Variants in MECOM observed in about 807,000 individuals in gnomAD.
MECOM encodes histone-lysine N-methyltransferase MECOM.
A neutral mutation model predicts 116.3 loss-of-function variants in MECOM; 13 were observed. That is an observed-to-expected ratio of 0.11 (90% confidence interval 0.07 to 0.18). The LOEUF is 0.18. Among genes scored for constraint, MECOM ranks in the 10% least tolerant of loss-of-function variants. The pLI is 1.00. For synonymous variants in MECOM, 528 were observed against 535.2 expected, an observed-to-expected ratio of 0.99 and a Z score of 0.19; for missense variants, 1,299 against 1,509.0, an observed-to-expected ratio of 0.86 and a Z score of 2.31.
intron 1 of MECOM, among the ~76,000 whole-genome samples, chr3:169,610,155 T>A (rs1229819764): frequency 6.6e-6 from 1 of 152,224 alleles, no homozygotes; most frequent in Non-Finnish European, 1.5e-5. Context: ...TTTATATTAC[T>A]AGCTTATTTT....
At chr3:169,647,754 A>G (rs2110067450) in intron 1 of MECOM, among the ~76,000 whole-genome samples, 1 of 152,276 alleles carries the variant, frequency 6.6e-6, no homozygotes, top group African/African-American at 2.4e-5. Context: ...GCTTATACAT[A>G]TGTCATCTTA....
intron 2 of MECOM, among the ~76,000 whole-genome samples, chr3:169,338,896 C>T (rs1724025430): frequency 6.6e-6 from 1 of 151,706 alleles, no homozygotes. Flanking sequence ...GAAAAGGGGG[C>T]TTGGGGAAAA....
intron 1 of MECOM, among the ~76,000 whole-genome samples, chr3:169,533,155 C>T (rs940625618): frequency 7.1e-6 from 1 of 141,144 alleles, no homozygotes; most frequent in African/African-American, 2.9e-5. Context: ...ATTAAGCAGC[C>T]ATCAGATTTT....
chr3:169,489,796 T>A (rs1278814700), intron 1 of MECOM, among the ~76,000 whole-genome samples: 2 of 152,074 alleles, frequency 1.3e-5, no homozygotes, highest in African/African-American at 4.8e-5. Flanking sequence ...AAAGAGAAAA[T>A]AGCTTTATAA....
intron 10 of MECOM, among the ~76,000 whole-genome samples, 166 bp downstream of exon 10, chr3:169,107,760 A>G (rs1040439062): frequency 1.3e-5 from 2 of 152,214 alleles, no homozygotes; most frequent in African/African-American, 4.8e-5. Flanking sequence ...CCCAATTATA[A>G]CTGAAAGAAT....
chr3:169,477,814 C>T (rs534622086), intron 1 of MECOM, among the ~76,000 whole-genome samples: 1 of 152,236 alleles, frequency 6.6e-6, no homozygotes, highest in South Asian at 2.1e-4. Context: ...AAAAGTGATA[C>T]ACGGCTTCAA....
At chr3:169,440,906 A>G (rs575765750) in intron 1 of MECOM, among the ~76,000 whole-genome samples, 1 of 152,210 alleles carries the variant, frequency 6.6e-6, no homozygotes, top group Non-Finnish European at 1.5e-5. Flanking sequence ...CAAGGATTAA[A>G]TGCCAGGATC....
At chr3:169,378,583 A>AAAGAAAGT (rs1731838804) in intron 2 of MECOM, among the ~76,000 whole-genome samples, 1 of 63,894 alleles carries the variant, frequency 1.6e-5, no homozygotes, top group Non-Finnish European at 3.5e-5. Context: ...AGAAAGAAAG[A>AAAGAAAGT]AAGTAAGTAA....
intron 2 of MECOM, among the ~76,000 whole-genome samples, chr3:169,183,761 TACACACAC>T (rs71166249): frequency 0.12 from 14,417 of 118,240 alleles, 698 homozygotes; most frequent in Middle Eastern, 0.25. Flanking sequence ...GATACATACA[TACACACAC>T]ACACACACAC....
chr3:169,355,299 C>G (rs1341726429), intron 2 of MECOM, among the ~76,000 whole-genome samples: 3 of 151,968 alleles, frequency 2.0e-5, no homozygotes, highest in African/African-American at 7.2e-5. Flanking sequence ...TGCAAAATCA[C>G]AGAACAGTTT....
chr3:169,539,222 C>A (rs777204757), intron 1 of MECOM, among the ~76,000 whole-genome samples: 1 of 152,162 alleles, frequency 6.6e-6, no homozygotes, highest in Non-Finnish European at 1.5e-5. Flanking sequence ...TCACTCAAAT[C>A]AACCCAAATT....
At chr3:169,236,050 C>A (rs915589508) in intron 2 of MECOM, among the ~76,000 whole-genome samples, 5 of 152,128 alleles carry the variant, frequency 3.3e-5, no homozygotes, top group Non-Finnish European at 2.9e-5. Context: ...GCCACAGCCT[C>A]CAGTCAGCCA....
At chr3:169,472,633 A>AAAAGAAAAGAAAAGAAAAGGAAAGG (rs1749680508) in intron 1 of MECOM, among the ~76,000 whole-genome samples, 7 of 60,348 alleles carry the variant, frequency 1.2e-4, no homozygotes, top group African/African-American at 3.1e-4. Flanking sequence ...AAAAGAAAAG[A>AAAAGAAAAGAAAAGAAAAGGAAAGG]AAAGGAAAGG....
At position 169,130,695 on chromosome 3, in the gene MECOM, T is replaced by C. The variant is rs188905811; in HGVS notation, c.613+734A>G. Among the ~76,000 whole-genome samples, 426 of 152,230 alleles carry C rather than the reference T, an allele frequency of 2.8e-3. 2 individuals are homozygous for C. The highest frequency in any genetic ancestry group is 9.6e-3 in the African/African-American group (399 of 41,530). ...GGTTGGAATGGGTAATCCTTCCCAA[T>C]AGACCTTCCAACTACAAAATATTCT... is the stretch of plus-strand genomic sequence containing the variant. On this transcript the variant is annotated intron_variant, in intron 4 of 16. Transcript: ENST00000651503.
chr3:169,148,918 G>T (rs941709485), intron 2 of MECOM, among the ~76,000 whole-genome samples: 1 of 151,974 alleles, frequency 6.6e-6, no homozygotes, highest in African/African-American at 2.4e-5. Context: ...AGAGAAAATC[G>T]CACAGCAGTG....
chr3:169,524,362 A>G (rs1387080973), intron 1 of MECOM, among the ~76,000 whole-genome samples: 2 of 152,180 alleles, frequency 1.3e-5, no homozygotes, highest in African/African-American at 4.8e-5. Flanking sequence ...CAGTTTGCAG[A>G]GGACTCTGTC....
intron 1 of MECOM, among the ~76,000 whole-genome samples, chr3:169,535,651 G>A (rs766076681): frequency 1.8e-4 from 27 of 152,070 alleles, no homozygotes; most frequent in Non-Finnish European, 3.5e-4. Flanking sequence ...CCTGATATAT[G>A]TTAACTTCTT....
chr3:169,266,279 CT>C (rs1758291366), intron 2 of MECOM, among the ~76,000 whole-genome samples: 1 of 152,154 alleles, frequency 6.6e-6, no homozygotes, highest in Admixed American at 6.6e-5. Context: ...ATAAACACAT[CT>C]GTTAGTAAAG....
intron 2 of MECOM, among the ~76,000 whole-genome samples, chr3:169,255,750 A>G (rs1050479337): frequency 1.3e-5 from 2 of 152,064 alleles, no homozygotes; most frequent in African/African-American, 4.8e-5. Flanking sequence ...ATAAATTCTC[A>G]CTTTCTGAAG....
Sources: gnomAD v4.1 joint callset for allele counts (sites outside exome capture counted in the v4.1 genomes callset) on GRCh38, gnomAD v4.1.1 for gene constraint, MANE v1.5 for transcripts, NCBI Gene and HGNC (gene_info 2026-07-23, HGNC 2026-07-21) for gene names.